Variants in MAK observed in about 807,000 individuals in gnomAD.
MAK encodes serine/threonine-protein kinase MAK.
MAK carries 65 observed loss-of-function variants against 82.6 expected under a neutral mutation model. The observed-to-expected ratio is 0.79, with a 90% CI of 0.64 to 0.97. The LOEUF (loss-of-function observed/expected upper bound fraction) is 0.97. MAK is among the 50% of genes least tolerant of loss of function. MAK has a pLI of 0.00. For missense variants in MAK, 703 were observed against 780.2 expected, an observed-to-expected ratio of 0.90 and a Z score of 1.18; for synonymous variants, 250 against 274.2, an observed-to-expected ratio of 0.91 and a Z score of 0.87.
At chr6:10,770,056 G>A (rs1474358723) in intron 14 of MAK, 55 bp downstream of exon 14, 2 of 1,613,768 alleles carry the variant, frequency 1.2e-6, no homozygotes, top group East Asian at 4.5e-5. Context: ...ACTTAAAAAG[G>A]AAAATGTTCC....
intron 12 of MAK, among the ~76,000 whole-genome samples, chr6:10,774,744 GTTAC>G (rs1489217481): frequency 6.6e-6 from 1 of 152,146 alleles, no homozygotes; most frequent in Non-Finnish European, 1.5e-5. Flanking sequence ...TCAAATCAAA[GTTAC>G]TTACTTTCTC....
At chr6:10,817,216 G>GT (rs1430408113) in intron 4 of MAK, among the ~76,000 whole-genome samples, 2 of 151,962 alleles carry the variant, frequency 1.3e-5, no homozygotes, top group African/African-American at 4.8e-5. Context: ...TTCAGAGTTT[G>GT]TTGTTGAACA....
At chr6:10,777,399 A>G (rs923892107) in intron 11 of MAK, among the ~76,000 whole-genome samples, 24 of 126,948 alleles carry the variant, frequency 1.9e-4, no homozygotes, top group African/African-American at 6.9e-4. Context: ...CTACAGAGCA[A>G]GACTGTCACA....
At chr6:10,767,119 C>A (rs1772517966) in intron 14 of MAK, among the ~76,000 whole-genome samples, 1 of 151,490 alleles carries the variant, frequency 6.6e-6, no homozygotes, top group African/African-American at 2.5e-5. Context: ...GATAGTGAGC[C>A]TTGCAATGCT....
chr6:10,765,901 T>A (rs1306326649), intron 14 of MAK, among the ~76,000 whole-genome samples: 1 of 152,198 alleles, frequency 6.6e-6, no homozygotes, highest in Admixed American at 6.5e-5. Context: ...TGTTTAAAAA[T>A]TTGTGAAAAA....
intron 6 of MAK, among the ~76,000 whole-genome samples, chr6:10,805,619 G>C (rs1289108719): frequency 6.6e-6 from 1 of 151,294 alleles, no homozygotes; most frequent in Admixed American, 6.6e-5. Context: ...GACCAGAAAC[G>C]TGCCATAAAA....
intron 2 of MAK, among the ~76,000 whole-genome samples, chr6:10,821,484 C>G (rs1777934025): frequency 6.6e-6 from 1 of 151,690 alleles, no homozygotes; most frequent in South Asian, 2.1e-4. Context: ...CCATGTTGGC[C>G]AGGCTGGTCT....
At chr6:10,821,748 C>G (rs796146373) in intron 2 of MAK, among the ~76,000 whole-genome samples, 113 of 146,626 alleles carry the variant, frequency 7.7e-4, no homozygotes, top group African/African-American at 2.8e-3. Context: ...GGCAGGCGGA[C>G]TGCTTGAGCT....
At chr6:10,792,549 T>C (rs1487766216) in intron 9 of MAK, among the ~76,000 whole-genome samples, 1 of 152,126 alleles carries the variant, frequency 6.6e-6, no homozygotes, top group Non-Finnish European at 1.5e-5. Context: ...GGAGGCATCA[T>C]TAACAGAAAT....
chr6:10,830,807 T>C lies in MAK; in HGVS notation c.-159A>G, dbSNP rs528500811. On this transcript the variant is annotated 5_prime_UTR_variant, in exon 2 of 15. Transcript: ENST00000354489. The stretch of plus-strand genomic sequence containing the variant: ...ATTAAATATAGTCTCTCCCCCAAGA[T>C]TACAGAGGTTCATGAGATATAGCAT... The C allele has an allele frequency of 5.2e-4, 357 of 684,708 alleles. 2 individuals carry two copies. In the South Asian group the frequency reaches 5.3e-3, roughly 10 times the overall value. 42.4% of individuals were successfully genotyped at this position (684,708 alleles called of 1,614,324 possible).
intron 10 of MAK, among the ~76,000 whole-genome samples, chr6:10,789,300 C>G (rs1308492163): frequency 6.6e-6 from 1 of 152,140 alleles, no homozygotes; most frequent in African/African-American, 2.4e-5. Context: ...AACTGTTCTT[C>G]CTATTCTTCT....
Position 10,775,716 on chromosome 6 carries a change from G to C in MAK, c.1466-257C>G, listed in dbSNP as rs1452225912. On this transcript the variant is annotated intron_variant, in intron 11 of 14. Transcript: ENST00000354489. ...CTACAATATAATAATAACACTTGAT[G>C]TTCTTGCTAAGGGTCTTGTAAAAAT... 2.6e-5 allele frequency among the ~76,000 whole-genome samples: 4 copies of C among 152,286 alleles called. No homozygotes were observed. In the East Asian group the frequency reaches 7.7e-4, roughly 29 times the overall value.
At chr6:10,825,148 G>A (rs77778263) in intron 2 of MAK, among the ~76,000 whole-genome samples, 2,357 of 152,260 alleles carry the variant, frequency 0.015, 34 homozygotes, top group Non-Finnish European at 0.024. Context: ...GAACATGGAC[G>A]TAATGCCTGG....
At chr6:10,815,655 C>T (rs1445222268) in intron 4 of MAK, among the ~76,000 whole-genome samples, 1 of 152,024 alleles carries the variant, frequency 6.6e-6, no homozygotes, top group African/African-American at 2.4e-5. Context: ...GACACATGGT[C>T]TCGCTATGTT....
chr6:10,779,519 C>T (rs1773769923), intron 11 of MAK: 1 of 981,756 alleles, frequency 1.0e-6, no homozygotes, highest in South Asian at 4.7e-5. Context: ...TGGTACATTT[C>T]TAGAGCTCCC....
chr6:10,776,260 G>T lies in MAK; in HGVS notation c.1466-801C>A, dbSNP rs1335638781. Among the ~76,000 whole-genome samples, 1 of 152,182 alleles carries T rather than the reference G, an allele frequency of 6.6e-6. No individual in the cohort carries two copies. The highest frequency in any genetic ancestry group is 2.4e-5 in the African/African-American group (1 of 41,446). On this transcript the variant is annotated intron_variant, in intron 11 of 14. Transcript: ENST00000354489. The surrounding 1 kb of genome is among the most constrained non-coding windows in gnomAD (Gnocchi z 4.3). ...TATGAGATACAGTAAAATGGAAACAGTTTATCCCCTGTGCGCCAGAAAGAA... is the reference window on the plus strand; with the variant it reads ...TATGAGATACAGTAAAATGGAAACATTTTATCCCCTGTGCGCCAGAAAGAA...
At chr6:10,802,147 C>T in intron 7 of MAK, 88 bp from the exon 8 acceptor site, 1 of 971,416 alleles carries the variant, frequency 1.0e-6, no homozygotes, top group Admixed American at 2.2e-5. Context: ...GTAATATAAA[C>T]ATCATTTATG....
chr6:10,791,735 T>C lies in MAK; in HGVS notation c.1256A>G (p.His419Arg). ...ELEDYDFGAS[H>R]SKKPSMGVFK... ...AACACCCATGCTTGGCTTCTTGGAATGGGAGGCTCCGAAATCATAGTCCTC... is the reference window on the plus strand; with the variant it reads ...AACACCCATGCTTGGCTTCTTGGAACGGGAGGCTCCGAAATCATAGTCCTC... The change falls in exon 10 of 15, where the codon CAT becomes CGT. Residue 419 changes from histidine (H) to arginine (R), a missense_variant. His to Arg is a conservative substitution (Grantham distance 29). Coordinates refer to ENST00000354489, the MANE Select transcript of MAK (RefSeq NM_001242957.3). 1 of 1,614,176 alleles carries C rather than the reference T, an allele frequency of 6.2e-7. No homozygotes were observed. Among genetic ancestry groups the C allele is most frequent in the African/African-American group, 1.3e-5 (1 of 75,044 alleles).
intron 1 of MAK, among the ~76,000 whole-genome samples, chr6:10,833,940 GTCTC>G (rs934186072): frequency 7.9e-5 from 12 of 152,106 alleles, no homozygotes; most frequent in South Asian, 2.1e-4. Flanking sequence ...GAGAAAGGCA[GTCTC>G]TCTCTCTGCA....
Sources: allele counts gnomAD v4.1 joint callset (sites outside exome capture counted in the v4.1 genomes callset), GRCh38; gene constraint gnomAD v4.1.1; non-coding constraint Gnocchi (gnomAD v3.1); transcripts MANE v1.5; gene names NCBI Gene and HGNC (gene_info 2026-07-23, HGNC 2026-07-21).